CHST9: variants seen among roughly 807,000 people sequenced by gnomAD.
CHST9 encodes the protein carbohydrate sulfotransferase 9, also known as GalNAc-4-sulfotransferase 2.
In CHST9, 41 loss-of-function variants were observed where a neutral mutation model predicts 44.4. The observed-to-expected ratio is 0.92, with a 90% CI of 0.72 to 1.20. The LOEUF (loss-of-function observed/expected upper bound fraction) is 1.20. CHST9 is among the 50% of genes most tolerant of loss of function. The probability of loss-of-function intolerance (pLI) is 0.00; values close to 1 mark genes in which losing one functional copy is unlikely to be tolerated. For synonymous variants in CHST9, 171 were observed against 178.4 expected (o/e 0.96, Z 0.33); for missense variants, 504 against 516.5 (o/e 0.98, Z 0.23).
intron 2 of CHST9, among the ~76,000 whole-genome samples, chr18:27,068,998 T>A (rs913452521): frequency 1.3e-5 from 2 of 152,242 alleles, no homozygotes; most frequent in Non-Finnish European, 2.9e-5. Context: ...TGCCATTTTA[T>A]GTGTTTGGAT....
chr18:27,159,557 T>C (rs1038080242), intron 1 of CHST9, among the ~76,000 whole-genome samples: 68 of 152,318 alleles, frequency 4.5e-4, no homozygotes, highest in Non-Finnish European at 6.3e-4. Context: ...CCTCCAGCTT[T>C]GTTCTTTTGG....
intron 4 of CHST9, among the ~76,000 whole-genome samples, chr18:26,994,400 C>A (rs2056860661): frequency 6.6e-6 from 1 of 152,076 alleles, no homozygotes; most frequent in African/African-American, 2.4e-5. Context: ...GAGAGAAAGA[C>A]AAAGAGACAC....
intron 4 of CHST9, among the ~76,000 whole-genome samples, chr18:27,004,977 G>T (rs186887656): frequency 6.6e-6 from 1 of 152,160 alleles, no homozygotes; most frequent in African/African-American, 2.4e-5. Context: ...TCCTGACATC[G>T]TTTCTTTTAA....
intron 3 of CHST9, among the ~76,000 whole-genome samples, chr18:27,030,754 A>T (rs1177526757): frequency 1.3e-5 from 2 of 152,204 alleles, no homozygotes; most frequent in Non-Finnish European, 2.9e-5. Flanking sequence ...GGCAGCCTCT[A>T]AAGTGAGAAT....
chr18:26,964,491 T>C (rs371723107), intron 4 of CHST9, among the ~76,000 whole-genome samples: 1 of 152,232 alleles, frequency 6.6e-6, no homozygotes, highest in African/African-American at 2.4e-5. Flanking sequence ...GAAAATCAGA[T>C]CTAGGCCCAG....
At chr18:27,152,449 T>C (rs1386300146) in intron 1 of CHST9, among the ~76,000 whole-genome samples, 1 of 152,064 alleles carries the variant, frequency 6.6e-6, no homozygotes, top group Non-Finnish European at 1.5e-5. Flanking sequence ...ACAGAGGTTA[T>C]TGCAAAATGA....
chr18:27,053,712 C>A (rs774959518), intron 2 of CHST9, among the ~76,000 whole-genome samples: 6 of 152,170 alleles, frequency 3.9e-5, no homozygotes, highest in Non-Finnish European at 7.3e-5. Context: ...TCTGCTGTCA[C>A]TCCTCAAGCA....
At chr18:27,168,185 C>T (rs543569200) in intron 1 of CHST9, among the ~76,000 whole-genome samples, 24 of 151,640 alleles carry the variant, frequency 1.6e-4, no homozygotes, top group South Asian at 1.5e-3. Flanking sequence ...TGCCATTCTC[C>T]GGCCTCGGCC....
At chr18:27,033,010 G>A (rs1467050857) in intron 3 of CHST9, among the ~76,000 whole-genome samples, 1 of 152,180 alleles carries the variant, frequency 6.6e-6, no homozygotes, top group Non-Finnish European at 1.5e-5. Context: ...GGTACAACAG[G>A]AATGCCTCCA....
At chr18:27,069,276 A>G (rs2057814242) in intron 2 of CHST9, among the ~76,000 whole-genome samples, 1 of 152,162 alleles carries the variant, frequency 6.6e-6, no homozygotes, top group African/African-American at 2.4e-5. Flanking sequence ...AAGGCTGTTT[A>G]TGTTCTCTAA....
chr18:26,951,522 T>C (rs1438640540), intron 4 of CHST9, among the ~76,000 whole-genome samples: 2 of 151,374 alleles, frequency 1.3e-5, no homozygotes, highest in African/African-American at 4.9e-5. Context: ...CAGCCATGCA[T>C]AGATCTGCAA....
chr18:26,984,792 A>G (rs764287670), intron 4 of CHST9, among the ~76,000 whole-genome samples: 1 of 152,106 alleles, frequency 6.6e-6, no homozygotes, highest in Non-Finnish European at 1.5e-5. Context: ...AGGAAAATAA[A>G]AAAGTCTATA....
chr18:27,117,093 C>A (rs930561618), intron 2 of CHST9, among the ~76,000 whole-genome samples: 1 of 149,682 alleles, frequency 6.7e-6, no homozygotes, highest in African/African-American at 2.5e-5. Context: ...TTTGATGATT[C>A]TTCCCTAAAA....
intron 2 of CHST9, among the ~76,000 whole-genome samples, chr18:27,112,331 C>G (rs575388675): frequency 6.6e-6 from 1 of 151,050 alleles, no homozygotes; most frequent in East Asian, 1.9e-4. Flanking sequence ...TCTGCATATA[C>G]ATAATTAAAT....
chr18:27,054,806 A>ATG (rs144818006), intron 2 of CHST9, among the ~76,000 whole-genome samples: 34 of 151,686 alleles, frequency 2.2e-4, no homozygotes, highest in Non-Finnish European at 3.7e-4. Flanking sequence ...GAAATTGTAT[A>ATG]TGTGTGTGTG....
chr18:27,082,312 T>C (rs1469971658), intron 2 of CHST9, among the ~76,000 whole-genome samples: 1 of 152,238 alleles, frequency 6.6e-6, no homozygotes, highest in Non-Finnish European at 1.5e-5. Context: ...CAATGAGTTT[T>C]CCTACTATCA....
At chr18:27,025,242 T>G (rs1291322652) in intron 3 of CHST9, among the ~76,000 whole-genome samples, 1 of 150,482 alleles carries the variant, frequency 6.6e-6, no homozygotes, top group Non-Finnish European at 1.5e-5. Context: ...TGTTTTGCTC[T>G]CTGCATGCCT....
At chr18:26,990,981 A>G (rs565099257) in intron 4 of CHST9, among the ~76,000 whole-genome samples, 1 of 152,338 alleles carries the variant, frequency 6.6e-6, no homozygotes, top group South Asian at 2.1e-4. Flanking sequence ...ATAAGGTCAG[A>G]GAGAAACTTG....
intron 1 of CHST9, among the ~76,000 whole-genome samples, chr18:27,163,903 G>A (rs1222324666): frequency 2.6e-5 from 4 of 152,142 alleles, no homozygotes; most frequent in Admixed American, 1.3e-4. Context: ...CTTCTGTGTT[G>A]CTCATGCTGG....
Sources: gnomAD v4.1 joint callset for allele counts (sites outside exome capture counted in the v4.1 genomes callset) on GRCh38, gnomAD v4.1.1 for gene constraint, MANE v1.5 for transcripts, NCBI Gene and HGNC (gene_info 2026-07-23, HGNC 2026-07-21) for gene names.